COL6A5: variants seen among roughly 807,000 people sequenced by gnomAD.
COL6A5 encodes collagen type VI alpha 5 chain.
In COL6A5, 48 loss-of-function variants were observed where a neutral mutation model predicts 65.6. The ratio of observed to expected loss-of-function variants is 0.73; its 90% confidence interval spans 0.58 to 0.93. The LOEUF (loss-of-function observed/expected upper bound fraction) is 0.93, where lower values mean the gene tolerates loss of function less well. COL6A5 is among the 40% of genes least tolerant of loss of function. The pLI is 0.00. For missense variants in COL6A5, 914 were observed against 928.3 expected (o/e 0.98, Z 0.20); for synonymous variants, 291 against 322.8 (o/e 0.90, Z 1.05).
chr3:130,464,433 A>G (rs1709769032), intron 5 of COL6A5, among the ~76,000 whole-genome samples: 1 of 152,042 alleles, frequency 6.6e-6, no homozygotes. Flanking sequence ...ACACCCAGCA[A>G]TGCTTTTCTT....
chr3:130,441,729 A>G (rs1393650251), intron 3 of COL6A5, among the ~76,000 whole-genome samples: 1 of 152,176 alleles, frequency 6.6e-6, no homozygotes, highest in Non-Finnish European at 1.5e-5. Context: ...TGCTACTAGT[A>G]TCAAGTAAAT....
At chr3:130,373,842 C>G (rs1935656561) in intron 2 of COL6A5, 137 bp downstream of exon 2, 1 of 625,128 alleles carries the variant, frequency 1.6e-6, no homozygotes, top group African/African-American at 1.9e-5. Flanking sequence ...CAACATCAAA[C>G]AAACTTAACT....
rs117891245 is a variant in COL6A5 at position 130,405,184 on chromosome 3, A to G, written c.4282-404A>G. ...TTCCCAGCAACTGTTTCTACTCAGC[A>G]GCAGTACCCTAGCACTGACTTGTGG... On this transcript the variant is annotated intron_variant and NMD_transcript_variant, in intron 13 of 41. Transcript: ENST00000312481. 2.6e-3 allele frequency among the ~76,000 whole-genome samples: 402 copies of G among 152,274 alleles called. 13 individuals are homozygous for G. The East Asian group carries it at 0.063, about 24-fold the overall frequency.
chr3:130,425,182 A>G (rs1010451226), intron 29 of COL6A5, among the ~76,000 whole-genome samples: 1 of 152,198 alleles, frequency 6.6e-6, no homozygotes, highest in Non-Finnish European at 1.5e-5. Context: ...GATTCGAATT[A>G]GAAGGTTAAT....
exon 1 of COL6A5, chr3:130,431,483 C>A: frequency 1.3e-6 from 2 of 1,550,742 alleles, no homozygotes; most frequent in South Asian, 1.2e-5. Flanking sequence ...CCAGCATATC[C>A]AACAGAGCTA....
chr3:130,471,716 A>C, intron 7 of COL6A5: 2 of 1,534,642 alleles, frequency 1.3e-6, no homozygotes, highest in South Asian at 2.4e-5. Flanking sequence ...AAAGACAGAA[A>C]ATGGTGATCT....
At position 130,388,614 on chromosome 3, in the gene COL6A5, G is replaced by C. The variant is rs1184030208; in HGVS notation, c.1896G>C (p.Leu632=). The C allele has an allele frequency of 8.4e-6, 13 of 1,548,642 alleles. No individual in the cohort carries two copies. In the Admixed American group the frequency reaches 1.4e-4, roughly 16 times the overall value. The change falls in exon 6 of 42, where the codon CTG becomes CTC. Residue 632 remains leucine, a synonymous_variant and NMD_transcript_variant. Transcript: ENST00000312481. ...ACATGAAGGCCGACATCATGTTTCT[G>C]GTGGACAGTTCTTGGAGTATAGGAA... is the stretch of plus-strand genomic sequence containing the variant.
intron 7 of COL6A5, among the ~76,000 whole-genome samples, chr3:130,472,565 A>G (rs1460708580): frequency 6.6e-6 from 1 of 151,942 alleles, no homozygotes; most frequent in Non-Finnish European, 1.5e-5. Flanking sequence ...TAAAATAAAT[A>G]TTCCTTGGTA....
intron 1 of COL6A5, among the ~76,000 whole-genome samples, chr3:130,439,206 G>GATAGATTTTA (rs1709108185): frequency 6.6e-6 from 1 of 151,694 alleles, no homozygotes; most frequent in Non-Finnish European, 1.5e-5. Flanking sequence ...GCTTGGAAAT[G>GATAGATTTTA]ATAGATTTTA....
At chr3:130,483,816 A>G (rs1158302632) in intron 7 of COL6A5, among the ~76,000 whole-genome samples, 1 of 152,184 alleles carries the variant, frequency 6.6e-6, no homozygotes, top group Non-Finnish European at 1.5e-5. Flanking sequence ...TAATGTACCA[A>G]CATTCTTCCA....
At chr3:130,423,844 G>C in exon 29 of COL6A5, 1 of 1,549,384 alleles carries the variant, frequency 6.5e-7, no homozygotes, top group East Asian at 2.4e-5. Context: ...GCAGCTCACT[G>C]TAGGCTTGAA....
intron 5 of COL6A5, among the ~76,000 whole-genome samples, chr3:130,461,328 C>T (rs1360153170): frequency 6.6e-6 from 1 of 152,082 alleles, no homozygotes; most frequent in African/African-American, 2.4e-5. Flanking sequence ...CACTGTATCA[C>T]TTGACTGATG....
At chr3:130,428,671 G>A (rs554188472), upstream of COL6A5, among the ~76,000 whole-genome samples, 5 of 152,276 alleles carry the variant, frequency 3.3e-5, no homozygotes, top group East Asian at 7.7e-4. Context: ...ACACGTGGAA[G>A]TACTCAGTCA....
intron 7 of COL6A5, chr3:130,471,790 T>G (rs1709959566): frequency 1.3e-6 from 2 of 1,535,148 alleles, no homozygotes; most frequent in Non-Finnish European, 1.7e-6. Context: ...ATAGTAGTGG[T>G]TCTGAGACAG....
At chr3:130,360,940 C>T (rs761099963) in intron 1 of COL6A5, among the ~76,000 whole-genome samples, 3 of 151,982 alleles carry the variant, frequency 2.0e-5, no homozygotes, top group South Asian at 2.1e-4. Flanking sequence ...CGTGCCCAAA[C>T]TGATGTTCTA....
chr3:130,475,597 C>A (rs1710073765), intron 7 of COL6A5, among the ~76,000 whole-genome samples: 1 of 152,012 alleles, frequency 6.6e-6, no homozygotes, highest in Non-Finnish European at 1.5e-5. Context: ...AACTTCTCAC[C>A]AGCAGACCTG....
chr3:130,469,207 C>T (rs769140087), exon 6 of COL6A5: 3 of 1,613,212 alleles, frequency 1.9e-6, no homozygotes, highest in South Asian at 1.1e-5. Flanking sequence ...TTGTAGGAAC[C>T]CCCAATCTGA....
Position 130,406,337 on chromosome 3 carries a change from T to C in COL6A5, c.4479+16T>C. ...AGGATCTCAGGTAACACTTTTCTTT[T>C]CAATACTTCAAAGAAGGAGAATTTG... On this transcript the variant is annotated intron_variant and NMD_transcript_variant, in intron 17 of 41. Coordinates refer to the COL6A5 transcript ENST00000312481. The C allele has an allele frequency of 6.5e-7, 1 of 1,535,688 alleles. No homozygotes were observed.
At chr3:130,394,826 A>G (rs1936535773) in intron 7 of COL6A5, 64 bp from the exon 8 acceptor site, 2 of 1,234,374 alleles carry the variant, frequency 1.6e-6, no homozygotes, top group Admixed American at 2.5e-5. Flanking sequence ...ATTTAAGTAT[A>G]TGAGGAAAGG....
Sources: allele counts gnomAD v4.1 joint callset (sites outside exome capture counted in the v4.1 genomes callset), GRCh38; gene constraint gnomAD v4.1.1; transcripts MANE v1.5; gene names NCBI Gene and HGNC (gene_info 2026-07-23, HGNC 2026-07-21).